Variants in PDE3A observed in about 807,000 individuals in gnomAD.
The protein encoded by PDE3A is cGMP-inhibited 3',5'-cyclic phosphodiesterase 3A.
In PDE3A, 43 loss-of-function variants were observed where a neutral mutation model predicts 98.3. The ratio of observed to expected loss-of-function variants is 0.44; its 90% CI spans 0.34 to 0.56. The LOEUF (loss-of-function observed/expected upper bound fraction) is 0.56. Ranked by LOEUF, PDE3A falls within the 20% of genes least tolerant of loss-of-function variation. The pLI is 0.01. For missense variants in PDE3A, 1,427 were observed against 1,440.7 expected (o/e 0.99, Z 0.15); for synonymous variants, 663 against 567.9 (o/e 1.17, Z -2.38).
At chr12:20,654,660 C>CTTTTTTTT (rs71442265) in intron 15 of PDE3A, among the ~76,000 whole-genome samples, 2,128 of 85,916 alleles carry the variant, frequency 0.025, 1 homozygote, top group Non-Finnish European at 0.03. Flanking sequence ...CTACACCCGG[C>CTTTTTTTT]TTTTTTTTTT....
chr12:20,421,596 A>G (rs1213297504), intron 1 of PDE3A, among the ~76,000 whole-genome samples: 1 of 146,490 alleles, frequency 6.8e-6, no homozygotes, highest in African/African-American at 2.7e-5. Flanking sequence ...TTTTATTGGT[A>G]ATAAAAAAAA....
Position 20,654,081 on chromosome 12 carries a change from A to C in PDE3A, c.3060A>C (p.Gly1020=). Residue 1020 remains glycine (G), a synonymous_variant, in exon 15 of 16, where the codon GGA becomes GGC. Coordinates refer to ENST00000359062, the MANE Select transcript of PDE3A (RefSeq NM_000921.5). The part of the protein sequence containing the change: ...GPLCNSYDSA[G]LMPGKWVEDS... Reference sequence around the variant, plus strand: ...TGTGCAACTCCTATGATTCAGCAGGACTAATGCCTGGAAAATGGGTGGAAG... The same window carrying C: ...TGTGCAACTCCTATGATTCAGCAGGCCTAATGCCTGGAAAATGGGTGGAAG... 1 of 1,614,156 alleles carries C rather than the reference A, an allele frequency of 6.2e-7. No homozygotes were observed. Among genetic ancestry groups the C allele is most frequent in the Non-Finnish European group, 8.5e-7 (1 of 1,180,018 alleles).
At chr12:20,387,484 A>G (rs552613333) in intron 1 of PDE3A, among the ~76,000 whole-genome samples, 1 of 152,056 alleles carries the variant, frequency 6.6e-6, no homozygotes, top group South Asian at 2.1e-4. Flanking sequence ...TAGTATAGCA[A>G]AAACATGAGA....
At chr12:20,540,389 T>C (rs1941862249) in intron 1 of PDE3A, among the ~76,000 whole-genome samples, 1 of 152,122 alleles carries the variant, frequency 6.6e-6, no homozygotes, top group African/African-American at 2.4e-5. Context: ...GAATTCCAGT[T>C]TAGCTATGCC....
intron 1 of PDE3A, among the ~76,000 whole-genome samples, chr12:20,450,609 C>T (rs1262963514): frequency 6.6e-5 from 10 of 152,200 alleles, no homozygotes; most frequent in African/African-American, 2.4e-4. Context: ...TGCTCCTTTA[C>T]ATGTTACTTT....
intron 5 of PDE3A, among the ~76,000 whole-genome samples, chr12:20,622,816 A>G (rs767065423): frequency 7.2e-5 from 11 of 152,046 alleles, no homozygotes; most frequent in Admixed American, 2.0e-4. Context: ...AAAAATATAT[A>G]TGGATACTTT....
Position 20,613,534 on chromosome 12 carries a change from C to T in PDE3A, c.1103C>T (p.Pro368Leu). The change falls in exon 3 of 16, where the codon CCA becomes CTA. Residue 368 changes from proline to leucine, a missense_variant. Physicochemically the swap from Pro to Leu is moderately conservative, Grantham distance 98. Transcript: ENST00000359062. ...CTCCTGGCAGACCCTTCTCTTCCAC[C>T]AAACGTGTGCACATCCTTGAGAGCC... ...TDLLADPSLP[P>L]NVCTSLRAVS... The T allele has an allele frequency of 6.2e-7, 1 of 1,614,152 alleles. No homozygotes were observed. Among genetic ancestry groups the T allele is most frequent in the Admixed American group, 1.7e-5 (1 of 60,024 alleles).
intron 14 of PDE3A, among the ~76,000 whole-genome samples, chr12:20,652,215 G>A (rs1165240454): frequency 3.9e-5 from 6 of 152,096 alleles, no homozygotes; most frequent in Admixed American, 3.9e-4. Context: ...TGTGAATAGT[G>A]CCTCAATAAA....
chr12:20,665,191 C>A (rs1945279075), intron 15 of PDE3A, among the ~76,000 whole-genome samples: 1 of 152,158 alleles, frequency 6.6e-6, no homozygotes, highest in East Asian at 1.9e-4. Flanking sequence ...TAAAAGCCTG[C>A]TGCTGGCAAG....
At chr12:20,470,291 T>C (rs1229813694) in intron 1 of PDE3A, among the ~76,000 whole-genome samples, 1 of 152,170 alleles carries the variant, frequency 6.6e-6, no homozygotes, top group Middle Eastern at 3.2e-3. Flanking sequence ...AAATAGTTTT[T>C]ATTTTGAATG....
chr12:20,639,778 C>A, intron 9 of PDE3A, 68 bp from the exon 10 acceptor site: 1 of 718,658 alleles, frequency 1.4e-6, no homozygotes. Flanking sequence ...TACCTAGTTT[C>A]ACCACTGTTC....
At position 20,453,173 on chromosome 12, in the gene PDE3A, C is replaced by CTT. The variant is rs55780939; in HGVS notation, c.960+82946_960+82947dup. Reference sequence around the variant, plus strand: ...GTTTTGGATGACAAACTTGATAATGCTTTTTTTTTTTTTTTTTTGAGACTG... The same window carrying CTT: ...GTTTTGGATGACAAACTTGATAATGCTTTTTTTTTTTTTTTTTTTTGAGACTG... On this transcript the variant is annotated intron_variant, in intron 1 of 15. Coordinates refer to ENST00000359062, the MANE Select transcript of PDE3A (RefSeq NM_000921.5). Among the ~76,000 whole-genome samples the CTT allele has an allele frequency of 7.7e-3, 965 of 124,586 alleles. 27 individuals carry two copies. The highest frequency in any genetic ancestry group is 0.02 in the African/African-American group (650 of 33,006). 81.7% of individuals were successfully genotyped at this position (124,586 alleles called of 152,430 possible).
At chr12:20,612,368 T>C (rs1488847241) in intron 2 of PDE3A, among the ~76,000 whole-genome samples, 3 of 151,588 alleles carry the variant, frequency 2.0e-5, no homozygotes, top group African/African-American at 7.2e-5. Context: ...ATCTTCTCTG[T>C]GTGGCAAACA....
intron 1 of PDE3A, among the ~76,000 whole-genome samples, chr12:20,537,828 A>G: frequency 6.8e-6 from 1 of 147,956 alleles, no homozygotes; most frequent in African/African-American, 2.5e-5. Flanking sequence ...CCTGGCTTGT[A>G]GGACTATCTG....
At chr12:20,611,960 C>G (rs2121447401) in intron 2 of PDE3A, among the ~76,000 whole-genome samples, 1 of 150,656 alleles carries the variant, frequency 6.6e-6, no homozygotes, top group South Asian at 2.1e-4. Flanking sequence ...ACTGCTATAC[C>G]CTTTGTGTTA....
chr12:20,471,181 C>A (rs557074767), intron 1 of PDE3A, among the ~76,000 whole-genome samples: 1 of 151,722 alleles, frequency 6.6e-6, no homozygotes, highest in Non-Finnish European at 1.5e-5. Flanking sequence ...TTCTGGAGAC[C>A]AGCCTAGCAT....
At chr12:20,473,902 G>T (rs2120978083) in intron 1 of PDE3A, among the ~76,000 whole-genome samples, 1 of 151,996 alleles carries the variant, frequency 6.6e-6, no homozygotes, top group African/African-American at 2.4e-5. Context: ...TTTTTGGATT[G>T]TTTTCAATAC....
intron 1 of PDE3A, among the ~76,000 whole-genome samples, chr12:20,515,463 G>T (rs1946301685): frequency 6.6e-6 from 1 of 152,150 alleles, no homozygotes; most frequent in Admixed American, 6.5e-5. Context: ...CACATCTATA[G>T]GTAGTGATTT....
At chr12:20,567,705 G>T (rs1388344101) in intron 2 of PDE3A, among the ~76,000 whole-genome samples, 1 of 151,666 alleles carries the variant, frequency 6.6e-6, no homozygotes, top group Non-Finnish European at 1.5e-5. Flanking sequence ...GCAGCTTAGG[G>T]ATCTGAAATT....
Sources: allele counts gnomAD v4.1 joint callset (sites outside exome capture counted in the v4.1 genomes callset), GRCh38; gene constraint gnomAD v4.1.1; transcripts MANE v1.5; gene names NCBI Gene and HGNC (gene_info 2026-07-23, HGNC 2026-07-21).